LY9: variants seen among roughly 807,000 people sequenced by gnomAD.
LY9 encodes the protein T-lymphocyte surface antigen Ly-9.
Under a neutral mutation model 64.6 loss-of-function variants are expected in LY9, and 59 were observed. The observed-to-expected ratio is 0.91, with a 90% CI of 0.74 to 1.13. The LOEUF (loss-of-function observed/expected upper bound fraction) is 1.13. LY9 is among the 50% of genes most tolerant of loss of function. The pLI, the probability that LY9 is intolerant of heterozygous loss-of-function variation, is 0.00. For synonymous variants in LY9, 281 were observed against 308.5 expected (o/e 0.91, Z 0.93); for missense variants, 789 against 797.2 (o/e 0.99, Z 0.12).
chr1:160,824,113 G>GC, intron 8 of LY9, 68 bp from the exon 9 acceptor site: 1 of 1,592,746 alleles, frequency 6.3e-7, no homozygotes, highest in Non-Finnish European at 8.6e-7. Flanking sequence ...CTCTCCTCAA[G>GC]GGTTGAGGGT....
At chr1:160,814,969 C>G in intron 4 of LY9, 1 of 587,052 alleles carries the variant, frequency 1.7e-6, no homozygotes, top group Non-Finnish European at 3.0e-6. Flanking sequence ...CCAAAGTGCC[C>G]CTGGCTCTAG....
At chr1:160,823,423 G>A (rs1171496995) in intron 7 of LY9, 42 bp from the exon 8 acceptor site, 2 of 1,472,340 alleles carry the variant, frequency 1.4e-6, no homozygotes, top group South Asian at 2.5e-5. Context: ...GAAGAGAGGT[G>A]GGGTTGGCAT....
chr1:160,806,229 T>C (rs1165060860), intron 2 of LY9, among the ~76,000 whole-genome samples: 4 of 152,174 alleles, frequency 2.6e-5, no homozygotes, highest in Admixed American at 6.5e-5. Flanking sequence ...TTTCTGGTTG[T>C]CTCATATATT....
chr1:160,811,049 T>G (rs1024075069), intron 2 of LY9: 3 of 152,164 alleles, frequency 2.0e-5, no homozygotes, highest in Non-Finnish European at 4.4e-5. Context: ...CCCACTGGAG[T>G]AGCAGCCCCA....
In LY9 at chr1:160,799,923, A is replaced by T; in HGVS notation, c.295A>T (p.Met99Leu). Residue 99 changes from methionine (M) to leucine (L), a missense_variant, in exon 2 of 10, where the codon ATG becomes TTG. Coordinates refer to ENST00000263285, the MANE Select transcript of LY9 (RefSeq NM_002348.4). ...FARPKENVTI[M>L]VKSYLGRLDI... is the part of the protein sequence containing the mutation. ...ACGTCCCAAAGAAAATGTAACCATTATGGTCAAAAGCTACCTGGGCCGACT... is the reference window on the plus strand; with the variant it reads ...ACGTCCCAAAGAAAATGTAACCATTTTGGTCAAAAGCTACCTGGGCCGACT... The T allele has an allele frequency of 6.2e-7, 1 of 1,614,222 alleles. No individual in the cohort carries two copies. Among genetic ancestry groups the T allele is most frequent in the Non-Finnish European group, 8.5e-7 (1 of 1,180,038 alleles).
At chr1:160,809,361 T>C (rs11587945) in intron 2 of LY9, among the ~76,000 whole-genome samples, 147 of 147,190 alleles carry the variant, frequency 1.0e-3, no homozygotes, top group Admixed American at 1.2e-3. Context: ...ATTATTATTA[T>C]TACTACTACT....
chr1:160,813,649 GC>G lies in LY9; in HGVS notation c.472del (p.Gln158LysfsTer4). The G allele has an allele frequency of 6.2e-7, 1 of 1,613,774 alleles. No individual in the cohort carries two copies. ...TLFVYEQLQEPQVTMKSVKVS... is the reference protein window; with the variant it reads ...TLFVYEQLQEXQVTMKSVKVS... The stretch of plus-strand genomic sequence containing the variant: ...TTGTCCCTGCAGAGCAGCTGCAGGA[GC>G]CCCAAGTCACCATGAAGTCTGTGAA... On this transcript the variant is annotated frameshift_variant, in exon 3 of 10. Transcript: ENST00000263285. LOFTEE classifies it high-confidence loss of function.
chr1:160,819,249 A>T (rs1668188646), intron 6 of LY9, 72 bp from the exon 7 acceptor site: 8 of 1,129,242 alleles, frequency 7.1e-6, no homozygotes, highest in South Asian at 1.2e-5. Flanking sequence ...TTCTCATTTG[A>T]CTCTCACAGA....
At chr1:160,805,279 G>A (rs1450062345) in intron 2 of LY9, among the ~76,000 whole-genome samples, 1 of 150,882 alleles carries the variant, frequency 6.6e-6, no homozygotes, top group Non-Finnish European at 1.5e-5. Flanking sequence ...GTACTCCATA[G>A]CTTTTGGTAT....
chr1:160,805,570 C>A (rs1666892571), intron 2 of LY9, among the ~76,000 whole-genome samples: 1 of 152,178 alleles, frequency 6.6e-6, no homozygotes, highest in African/African-American at 2.4e-5. Context: ...GTATATTCTG[C>A]AACTGTTGGA....
chr1:160,825,710 G>C (rs546437247), intron 9 of LY9, among the ~76,000 whole-genome samples: 1 of 152,224 alleles, frequency 6.6e-6, no homozygotes, highest in African/African-American at 2.4e-5. Context: ...AGGAGTTCAA[G>C]ACCAGCCTGG....
intron 3 of LY9, among the ~76,000 whole-genome samples, chr1:160,814,119 A>C (rs548021667): frequency 6.6e-6 from 1 of 152,336 alleles, no homozygotes; most frequent in East Asian, 1.9e-4. Context: ...CTAAGGTTAG[A>C]GCAAGGGAGG....
chr1:160,826,493 C>G (rs1280075373), intron 9 of LY9, among the ~76,000 whole-genome samples: 1 of 152,194 alleles, frequency 6.6e-6, no homozygotes, highest in Admixed American at 6.5e-5. Flanking sequence ...AGATCATCAC[C>G]AGGGTCTGAT....
chr1:160,817,045 A>G (rs951286422), intron 5 of LY9, among the ~76,000 whole-genome samples, 182 bp downstream of exon 5: 2 of 152,268 alleles, frequency 1.3e-5, no homozygotes, highest in Non-Finnish European at 2.9e-5. Context: ...GCCACGTTAG[A>G]AAAAGCAAGA....
At position 160,818,316 on chromosome 1, in the gene LY9, C is replaced by T. The variant is rs779831835; in HGVS notation, c.1441C>T (p.Arg481Trp). ...CTGGTGCATTTGGAAGCGAAAAGGA[C>T]GGTGTGAGTTTCCGAGATCAATGTT... is the stretch of plus-strand genomic sequence containing the variant. ...FSWCIWKRKG[R>W]CSVPAFCSSQ... Residue 481 changes from arginine to tryptophan, a missense_variant, in exon 6 of 10, where the codon CGG becomes TGG. By Grantham distance (101) the Arg-to-Trp change is moderately radical. Coordinates refer to ENST00000263285, the MANE Select transcript of LY9 (RefSeq NM_002348.4). The T allele has an allele frequency of 2.4e-5, 38 of 1,612,486 alleles. No individual in the cohort carries two copies. The East Asian group carries it at 4.2e-4, about 18-fold the overall frequency.
At chr1:160,826,888 G>A (rs977375935) in intron 9 of LY9, among the ~76,000 whole-genome samples, 1 of 151,992 alleles carries the variant, frequency 6.6e-6, no homozygotes, top group African/African-American at 2.4e-5. Flanking sequence ...TTTGTGTTTG[G>A]GTCAATACCG....
chr1:160,824,701 C>G (rs150060942), intron 9 of LY9: 1 of 976,398 alleles, frequency 1.0e-6, no homozygotes, highest in East Asian at 1.1e-4. Context: ...AAATCCCAGC[C>G]GGGCGCGGTG....
rs559636114 is a variant in LY9, at chr1:160,804,833, A to G, written c.454+4751A>G. Among the ~76,000 whole-genome samples, 396 of 152,242 alleles carry G rather than the reference A, an allele frequency of 2.6e-3. 4 individuals are homozygous for G. Among genetic ancestry groups the G allele is most frequent in the African/African-American group, 8.9e-3 (370 of 41,556 alleles). On this transcript the variant is annotated intron_variant, in intron 2 of 9. Transcript: ENST00000263285. ...CAGTCTTGGTAGGTTGTATGTTTCT[A>G]GGAATTTATCCATTTTCTCTAGGCT... is the stretch of plus-strand genomic sequence containing the variant.
chr1:160,813,876 G>A lies in LY9; in HGVS notation c.695G>A (p.Ser232Asn). Residue 232 changes from serine to asparagine, a missense_variant, in exon 3 of 10, where the codon AGC (serine) becomes AAC (asparagine). Transcript: ENST00000263285. Reference protein sequence around the residue: ...CTAQNPVSQRSSLPVHVGQFC... With the variant: ...CTAQNPVSQRNSLPVHVGQFC... ...GCCCAGAACCCCGTCAGCCAGAGAA[G>A]CTCCCTCCCTGTCCATGTTGGGCAG... is the stretch of plus-strand genomic sequence containing the variant. The A allele has an allele frequency of 6.2e-7, 1 of 1,614,174 alleles. No individual in the cohort carries two copies.
Sources: allele counts gnomAD v4.1 joint callset (sites outside exome capture counted in the v4.1 genomes callset), GRCh38; gene constraint gnomAD v4.1.1; transcripts MANE v1.5; gene names NCBI Gene and HGNC (gene_info 2026-07-23, HGNC 2026-07-21).